Variants in FGF17 observed in about 807,000 individuals in gnomAD.
FGF17 encodes fibroblast growth factor 17.
Under a neutral mutation model 23.5 loss-of-function variants are expected in FGF17, and 5 were observed. That is an observed-to-expected ratio of 0.21 (90% CI 0.11 to 0.45). The LOEUF (loss-of-function observed/expected upper bound fraction) is 0.45. Among genes scored for constraint, FGF17 ranks in the 20% least tolerant of loss-of-function variants. The probability of loss-of-function intolerance (pLI) is 0.99; values close to 1 mark genes in which losing one functional copy is unlikely to be tolerated. For synonymous variants in FGF17, 136 were observed against 123.0 expected, an observed-to-expected ratio of 1.11 and a Z score of -0.70; for missense variants, 221 against 306.9, an observed-to-expected ratio of 0.72 and a Z score of 2.09.
intron 4 of FGF17, among the ~76,000 whole-genome samples, chr8:22,046,902 T>C (rs961211096): frequency 1.3e-5 from 2 of 151,404 alleles, no homozygotes; most frequent in African/African-American, 4.9e-5. Flanking sequence ...CGCCTCAGCC[T>C]CTGAAGTAGT....
Position 22,045,697 on chromosome 8 carries a change from C to A in FGF17, c.73-417C>A, listed in dbSNP as rs1211622394. Reference sequence around the variant, plus strand: ...AATCTGGTTGTCCTGGCTAATGGAGCATGTCCTTGGAGTTCTGGGGGAGAT... The same window carrying A: ...AATCTGGTTGTCCTGGCTAATGGAGAATGTCCTTGGAGTTCTGGGGGAGAT... On this transcript the variant is annotated intron_variant, in intron 2 of 4. Transcript: ENST00000359441. 1.1e-5 allele frequency: 12 copies of A among 1,103,754 alleles called. No homozygotes were observed. The Admixed American group carries it at 3.3e-4, about 30-fold the overall frequency. The allele number at this position is 1,103,754 out of a possible 1,614,324, so 68.4% of individuals were successfully genotyped here.
chr8:22,042,668 C>G (rs1360421929), upstream of FGF17: 4 of 600,644 alleles, frequency 6.7e-6, no homozygotes, highest in Non-Finnish European at 1.2e-5. Flanking sequence ...AGCGCGCACG[C>G]CCCCACCCGC....
intron 1 of FGF17, 84 bp downstream of exon 1, chr8:22,043,047 T>C (rs960781336): frequency 9.4e-6 from 15 of 1,597,202 alleles, no homozygotes; most frequent in Non-Finnish European, 1.2e-5. Context: ...CTCCCACGCG[T>C]GCGTGCACGG....
intron 2 of FGF17, among the ~76,000 whole-genome samples, chr8:22,044,226 A>G (rs1376661006): frequency 3.9e-5 from 6 of 152,040 alleles, no homozygotes; most frequent in Admixed American, 3.3e-4. Flanking sequence ...TTCAGGACTC[A>G]GGGAAGGTGG....
chr8:22,039,723 C>T (rs180799989), upstream of FGF17, among the ~76,000 whole-genome samples: 21 of 152,148 alleles, frequency 1.4e-4, no homozygotes, highest in East Asian at 3.9e-3. Context: ...AATGAAACTC[C>T]GTCTCAAAAA....
upstream of FGF17, among the ~76,000 whole-genome samples, chr8:22,041,686 G>A (rs1010493354): frequency 1.3e-5 from 2 of 152,208 alleles, no homozygotes; most frequent in African/African-American, 4.8e-5. Context: ...TGGATCTGCA[G>A]GGTGGCAACT....
Position 22,047,986 on chromosome 8 carries a change from A to G in FGF17, c.388A>G (p.Thr130Ala), listed in dbSNP as rs760884820. 1.2e-6 allele frequency: 2 copies of G among 1,606,398 alleles called. No individual in the cohort carries two copies. The highest frequency in any genetic ancestry group is 1.7e-6 in the Non-Finnish European group (2 of 1,173,774). Reference protein sequence around the residue: ...PSGKSKDCVFTEIVLENNYTA... With the variant: ...PSGKSKDCVFAEIVLENNYTA... Reference sequence around the variant, plus strand: ...CGGGAAGAGCAAAGACTGCGTGTTCACGGAGATCGTGCTGGAGAACAACTA... The same window carrying G: ...CGGGAAGAGCAAAGACTGCGTGTTCGCGGAGATCGTGCTGGAGAACAACTA... The change falls in exon 5 of 5, where the codon ACG becomes GCG. Residue 130 changes from threonine (T) to alanine (A), a missense_variant. By Grantham distance (58) the Thr-to-Ala change is moderately conservative. Coordinates refer to ENST00000359441, the MANE Select transcript of FGF17 (RefSeq NM_003867.4).
In FGF17 at chr8:22,046,626, T is replaced by C; in HGVS notation, c.350T>C (p.Ile117Thr). Residue 117 changes from isoleucine to threonine, a missense_variant, in exon 4 of 5, where the codon ATC (isoleucine) becomes ACC (threonine). By Grantham distance (89) the Ile-to-Thr change is moderately conservative. This residue lies in a region of FGF17 where 128 missense variants were observed against 150.4 expected (regional missense o/e 0.85). Coordinates refer to ENST00000359441, the MANE Select transcript of FGF17 (RefSeq NM_003867.4). The part of the protein sequence containing the change: ...YICMNKRGKL[I>T]GKPSGKSKDC... ...TGTATGAACAAGAGGGGCAAGCTCATCGGGAAGGTGAGGCTGGGAGACTGG... is the reference window on the plus strand; with the variant it reads ...TGTATGAACAAGAGGGGCAAGCTCACCGGGAAGGTGAGGCTGGGAGACTGG... The C allele has an allele frequency of 6.2e-7, 1 of 1,611,030 alleles. No individual in the cohort carries two copies. The highest frequency in any genetic ancestry group is 8.5e-7 in the Non-Finnish European group (1 of 1,177,352).
intron 2 of FGF17, 130 bp from the exon 3 acceptor site, chr8:22,045,984 C>A: frequency 1.3e-6 from 2 of 1,573,038 alleles, no homozygotes; most frequent in Non-Finnish European, 1.7e-6. Flanking sequence ...TGGCCATATG[C>A]CCACTTCACT....
intron 2 of FGF17, chr8:22,045,780 C>T: frequency 8.1e-7 from 1 of 1,239,686 alleles, no homozygotes; most frequent in South Asian, 1.6e-5. Context: ...AGCTGTGTGC[C>T]CCGTGCACCT....
Position 22,042,942 on chromosome 8 carries a change from G to A in FGF17, c.14G>A (p.Arg5His), listed in dbSNP as rs373461524. 8 of 1,613,234 alleles carry A rather than the reference G, an allele frequency of 5.0e-6. No individual in the cohort carries two copies. Among genetic ancestry groups the A allele is most frequent in the South Asian group, 3.3e-5 (3 of 90,898 alleles). ...ACCTCTCCAGCGATGGGAGCCGCCC[G>A]CCTGCTGCCCAACCTCACTCTGTAA... MGAA[R>H]LLPNLTLCLQ... Residue 5 changes from arginine (R) to histidine (H), a missense_variant, in exon 1 of 5, where the codon CGC becomes CAC. This residue lies in a region of FGF17 where 35 missense variants were observed against 35.5 expected (regional missense o/e 0.99). Coordinates refer to ENST00000359441, the MANE Select transcript of FGF17 (RefSeq NM_003867.4).
intron 2 of FGF17, chr8:22,044,987 G>A: frequency 3.0e-6 from 3 of 985,706 alleles, no homozygotes; most frequent in Non-Finnish European, 3.6e-6. Context: ...ACAGGCAGCG[G>A]CATCCAGGTG....
chr8:22,048,350 C>G lies in FGF17; in HGVS notation c.*101C>G. On this transcript the variant is annotated 3_prime_UTR_variant, in exon 5 of 5. Coordinates refer to ENST00000359441, the MANE Select transcript of FGF17 (RefSeq NM_003867.4). The surrounding 1 kb of genome is among the most constrained non-coding windows in gnomAD (Gnocchi z 6.9). ...GGTGGCGGGAGGGGAGCCAGATCCC[C>G]GAGGGAGGACCCTGAGGGCCGCGAA... 2.8e-6 allele frequency: 3 copies of G among 1,080,260 alleles called. No individual in the cohort carries two copies. Among genetic ancestry groups the G allele is most frequent in the Non-Finnish European group, 3.9e-6 (3 of 768,646 alleles). 66.9% of individuals were successfully genotyped at this position (1,080,260 alleles called of 1,614,324 possible).
chr8:22,046,414 TC>T, intron 3 of FGF17, 112 bp from the exon 4 acceptor site: 1 of 1,424,248 alleles, frequency 7.0e-7, no homozygotes, highest in Non-Finnish European at 9.7e-7. Flanking sequence ...GGCCTGAGTG[TC>T]CCCAACCCCT....
intron 2 of FGF17, chr8:22,045,224 G>A (rs1203431945): frequency 1.8e-5 from 18 of 985,572 alleles, no homozygotes; most frequent in South Asian, 9.4e-5. Flanking sequence ...CCAACCCAAA[G>A]GGGAAGCAGG....
At position 22,048,341 on chromosome 8, in the gene FGF17, C is replaced by A. The variant is rs1306660556; in HGVS notation, c.*92C>A. 2 of 1,162,944 alleles carry A rather than the reference C, an allele frequency of 1.7e-6. No individual in the cohort carries two copies. Among genetic ancestry groups the A allele is most frequent in the African/African-American group, 1.5e-5 (1 of 64,690 alleles). The allele number at this position is 1,162,944 out of a possible 1,614,324, so 72.0% of individuals were successfully genotyped here. A position where few individuals can be genotyped will look rare whatever the true frequency, so the allele number is the denominator to read the frequency against. ...CTGGGCTGGGGTGGCGGGAGGGGAG[C>A]CAGATCCCCGAGGGAGGACCCTGAG... On this transcript the variant is annotated 3_prime_UTR_variant, in exon 5 of 5. Coordinates refer to ENST00000359441, the MANE Select transcript of FGF17 (RefSeq NM_003867.4). This position sits in a 1 kb window ranked among gnomAD's most constrained non-coding sequence, Gnocchi z 6.9.
chr8:22,046,741 A>C (rs1800878577), intron 4 of FGF17, 108 bp downstream of exon 4: 1 of 743,580 alleles, frequency 1.3e-6, no homozygotes, highest in African/African-American at 1.8e-5. Context: ...CTCCTGTGTA[A>C]AGACTTCCCA....
intron 2 of FGF17, among the ~76,000 whole-genome samples, chr8:22,044,188 G>A (rs890478093): frequency 8.5e-5 from 13 of 152,130 alleles, no homozygotes; most frequent in Admixed American, 6.5e-4. Flanking sequence ...GCGGCTGGCC[G>A]GGCGTTTATG....
chr8:22,048,303 C>T lies in FGF17; in HGVS notation c.*54C>T, dbSNP rs1309710064. Reference sequence around the variant, plus strand: ...GGCCGCCTCCCCACCCCTTTCCCTTCTTAATCCAAGGACTGGGCTGGGGTG... The same window carrying T: ...GGCCGCCTCCCCACCCCTTTCCCTTTTTAATCCAAGGACTGGGCTGGGGTG... On this transcript the variant is annotated 3_prime_UTR_variant, in exon 5 of 5. Coordinates refer to ENST00000359441, the MANE Select transcript of FGF17 (RefSeq NM_003867.4). This position sits in a 1 kb window ranked among gnomAD's most constrained non-coding sequence, Gnocchi z 6.9. 3.5e-6 allele frequency: 5 copies of T among 1,431,288 alleles called. No individual in the cohort carries two copies. The highest frequency in any genetic ancestry group is 4.7e-6 in the Non-Finnish European group (5 of 1,057,088). The allele number at this position is 1,431,288 out of a possible 1,614,324, so 88.7% of individuals were successfully genotyped here. A position where few individuals can be genotyped will look rare whatever the true frequency, so the allele number is the denominator to read the frequency against.
Sources: gnomAD v4.1 joint callset for allele counts (sites outside exome capture counted in the v4.1 genomes callset) on GRCh38, gnomAD v4.1.1 for gene constraint, gnomAD v4.1.1 regional missense constraint, Gnocchi (gnomAD v3.1) non-coding constraint, MANE v1.5 for transcripts, NCBI Gene and HGNC (gene_info 2026-07-23, HGNC 2026-07-21) for gene names.